KDM5A: variants seen among roughly 807,000 people sequenced by gnomAD.
KDM5A encodes the protein lysine demethylase 5A, also known as lysine-specific demethylase 5A.
Under a neutral mutation model 193.5 loss-of-function variants are expected in KDM5A, and 42 were observed. The observed-to-expected ratio is 0.22, with a 90% CI of 0.17 to 0.28. KDM5A has a LOEUF of 0.28. Ranked by LOEUF, KDM5A falls within the 10% of genes least tolerant of loss-of-function variation. The pLI is 1.00. For synonymous variants in KDM5A, 796 were observed against 718.1 expected (o/e 1.11, Z -1.73); for missense variants, 1,692 against 2,055.1 (o/e 0.82, Z 3.42).
chr12:352,380 T>C, intron 8 of KDM5A, 56 bp from the exon 9 acceptor site: 1 of 1,503,220 alleles, frequency 6.7e-7, no homozygotes, highest in Non-Finnish European at 9.3e-7. Context: ...AAGAAAGCTT[T>C]AAGGCTCTTA....
intron 6 of KDM5A, among the ~76,000 whole-genome samples, chr12:355,464 AT>A (rs1944220289): frequency 6.6e-6 from 1 of 152,204 alleles, no homozygotes; most frequent in South Asian, 2.1e-4. Flanking sequence ...CAAATTTAAG[AT>A]TCTAATCCAG....
At chr12:313,664 C>T (rs556196848) in intron 19 of KDM5A, among the ~76,000 whole-genome samples, 13 of 152,302 alleles carry the variant, frequency 8.5e-5, no homozygotes, top group African/African-American at 3.1e-4. Flanking sequence ...ATTTAAACTA[C>T]ATTCATTAAC....
At chr12:336,353 C>T (rs1447392129) in intron 10 of KDM5A, among the ~76,000 whole-genome samples, 3 of 134,364 alleles carry the variant, frequency 2.2e-5, no homozygotes, top group African/African-American at 8.8e-5. Context: ...GAGACCCTGT[C>T]TCACTAAAAA....
intron 27 of KDM5A, among the ~76,000 whole-genome samples, chr12:292,327 T>C (rs1943305965): frequency 6.6e-6 from 1 of 152,226 alleles, no homozygotes; most frequent in Non-Finnish European, 1.5e-5. Flanking sequence ...TTCAAGTCTT[T>C]GGAATACCAT....
At chr12:316,742 T>A (rs935176314) in intron 19 of KDM5A, among the ~76,000 whole-genome samples, 5 of 152,220 alleles carry the variant, frequency 3.3e-5, no homozygotes, top group African/African-American at 9.7e-5. Context: ...CAGGAAAAGC[T>A]ATGAATAAAT....
In KDM5A at chr12:389,003, G is replaced by T; in HGVS notation, c.89C>A (p.Thr30Lys). The change falls in exon 1 of 28, where the codon ACA (threonine) becomes AAA (lysine). Residue 30 changes from threonine to lysine, a missense_variant. Physicochemically the swap from Thr to Lys is moderately conservative, Grantham distance 78. Coordinates refer to ENST00000399788, the MANE Select transcript of KDM5A (RefSeq NM_001042603.3). The stretch of plus-strand genomic sequence containing the variant: ...GCGGCCGATAAAGCTGAGCGGATCT[G>T]TGAACTCCTCCCAACTCGGCTCAAA... ...PVFEPSWEEF[T>K]DPLSFIGRIR... is the part of the protein sequence containing the mutation. 6.2e-7 allele frequency: 1 copy of T among 1,613,208 alleles called. No individual in the cohort carries two copies. The highest frequency in any genetic ancestry group is 8.5e-7 in the Non-Finnish European group (1 of 1,179,632).
intron 25 of KDM5A, among the ~76,000 whole-genome samples, chr12:296,233 A>G (rs982469242): frequency 6.6e-6 from 1 of 151,892 alleles, no homozygotes; most frequent in Non-Finnish European, 1.5e-5. Context: ...AGGGTAGGAC[A>G]ATCTCTTGAA....
intron 24 of KDM5A, among the ~76,000 whole-genome samples, chr12:302,703 CA>C (rs1281268162): frequency 2.0e-5 from 3 of 152,076 alleles, no homozygotes; most frequent in African/African-American, 7.2e-5. Context: ...TTCTGCACAG[CA>C]AAAGAAACTA....
At chr12:360,462 G>GT (rs1565546112) in intron 5 of KDM5A, among the ~76,000 whole-genome samples, 2 of 152,042 alleles carry the variant, frequency 1.3e-5, no homozygotes, top group African/African-American at 4.8e-5. Flanking sequence ...GAAGAGAAAG[G>GT]TATCACACAA....
At chr12:299,190 A>C (rs1395880900) in intron 24 of KDM5A, among the ~76,000 whole-genome samples, 1 of 152,190 alleles carries the variant, frequency 6.6e-6, no homozygotes, top group Non-Finnish European at 1.5e-5. Flanking sequence ...TTCAGGAAAT[A>C]CAGAGAACAC....
chr12:323,436 CAGGTT>C (rs1943745913), intron 15 of KDM5A, among the ~76,000 whole-genome samples, 159 bp downstream of exon 15: 1 of 152,022 alleles, frequency 6.6e-6, no homozygotes, highest in Non-Finnish European at 1.5e-5. Flanking sequence ...TTTCAGCTGC[CAGGTT>C]TAGGGCCAAC....
Position 307,163 on chromosome 12 carries a change from T to A in KDM5A, c.3931-74A>T. 6.4e-7 allele frequency: 1 copy of A among 1,561,016 alleles called. No homozygotes were observed. Among genetic ancestry groups the A allele is most frequent in the Admixed American group, 1.7e-5 (1 of 59,758 alleles). ...CAGGGTAATTAATGTGTGCTTAAGA[T>A]CACCAAAATGTAATGAATAAGCAAA... On this transcript the variant is annotated intron_variant, in intron 23 of 27. Transcript: ENST00000399788. This position sits in a 1 kb window ranked among gnomAD's most constrained non-coding sequence, Gnocchi z 4.3.
intron 7 of KDM5A, among the ~76,000 whole-genome samples, chr12:354,511 G>A (rs958688879): frequency 1.3e-5 from 2 of 152,214 alleles, no homozygotes; most frequent in African/African-American, 4.8e-5. Flanking sequence ...GCTCACGCCT[G>A]TAATCCCAGC....
At chr12:337,004 C>G (rs1020816859) in intron 10 of KDM5A, among the ~76,000 whole-genome samples, 1 of 152,076 alleles carries the variant, frequency 6.6e-6, no homozygotes, top group East Asian at 1.9e-4. Context: ...GAATTGGAAT[C>G]CCCAATGTTG....
intron 3 of KDM5A, among the ~76,000 whole-genome samples, chr12:382,162 T>C (rs1412305147): frequency 6.6e-6 from 1 of 152,170 alleles, no homozygotes; most frequent in African/African-American, 2.4e-5. Context: ...CCACGCATGG[T>C]GGCTCACGCC....
chr12:373,106 T>C (rs1944453048), intron 3 of KDM5A, among the ~76,000 whole-genome samples: 1 of 152,224 alleles, frequency 6.6e-6, no homozygotes, highest in Non-Finnish European at 1.5e-5. Context: ...GCTGGCCTCA[T>C]AAAATGAGTT....
intron 24 of KDM5A, among the ~76,000 whole-genome samples, chr12:303,336 A>G (rs938353222): frequency 6.6e-6 from 1 of 152,250 alleles, no homozygotes; most frequent in Non-Finnish European, 1.5e-5. Flanking sequence ...GTAGCCATAA[A>G]AAAAGATGAG....
rs991501541 is a variant in KDM5A, at chr12:323,764, T to C, written c.1986A>G (p.Glu662=). 6.2e-7 allele frequency: 1 copy of C among 1,613,664 alleles called. No individual in the cohort carries two copies. Among genetic ancestry groups the C allele is most frequent in the Non-Finnish European group, 8.5e-7 (1 of 1,179,650 alleles). The change falls in exon 15 of 28, where the codon GAA becomes GAG. Residue 662 remains glutamate (E), a synonymous_variant. Transcript: ENST00000399788. The part of the protein sequence containing the change: ...SVVQMGVLMS[E]EEVFELVPDD... ...CAGGAACAAGTTCAAACACTTCTTC[T>C]TCTGACATCAGGACACCCTGAAATA...
chr12:376,355 C>T (rs1944503774), intron 3 of KDM5A, among the ~76,000 whole-genome samples: 2 of 152,228 alleles, frequency 1.3e-5, no homozygotes, highest in African/African-American at 4.8e-5. Context: ...GAGCGAGGCT[C>T]CGTGGGCGTG....
Sources: allele counts gnomAD v4.1 joint callset (sites outside exome capture counted in the v4.1 genomes callset), GRCh38; gene constraint gnomAD v4.1.1; non-coding constraint Gnocchi (gnomAD v3.1); transcripts MANE v1.5; gene names NCBI Gene and HGNC (gene_info 2026-07-23, HGNC 2026-07-21).